The following RARB variants were observed in gnomAD, a reference collection of about 807,000 sequenced individuals.
RARB encodes the protein HBV-activated protein.
In RARB, 17 loss-of-function variants were observed where a neutral mutation model predicts 51.9. The ratio of observed to expected loss-of-function variants is 0.33; its 90% confidence interval spans 0.22 to 0.49. The LOEUF (loss-of-function observed/expected upper bound fraction) is 0.49. RARB is among the 20% of genes least tolerant of loss of function. RARB has a pLI of 0.99. For synonymous variants in RARB, 215 were observed against 195.4 expected, an observed-to-expected ratio of 1.10 and a Z score of -0.84; for missense variants, 369 against 550.8, an observed-to-expected ratio of 0.67 and a Z score of 3.30.
intron 5 of RARB, among the ~76,000 whole-genome samples, chr3:25,302,820 G>T (rs935782282): frequency 6.6e-6 from 1 of 152,188 alleles, no homozygotes; most frequent in Non-Finnish European, 1.5e-5. Context: ...TGCCCCCATG[G>T]AAATCAAACA....
chr3:25,220,768 C>T (rs746007951), intron 5 of RARB, among the ~76,000 whole-genome samples: 3 of 152,106 alleles, frequency 2.0e-5, no homozygotes, highest in Non-Finnish European at 2.9e-5. Flanking sequence ...TATAAATTAC[C>T]CAGTCTCGGG....
chr3:25,071,950 T>G (rs1024268223), intron 3 of RARB, among the ~76,000 whole-genome samples: 1 of 152,198 alleles, frequency 6.6e-6, no homozygotes, highest in Non-Finnish European at 1.5e-5. Flanking sequence ...ACCTATTATT[T>G]TCAAGGCAAA....
At chr3:25,530,446 A>G (rs1161947652) in intron 3 of RARB, among the ~76,000 whole-genome samples, 1 of 152,222 alleles carries the variant, frequency 6.6e-6, no homozygotes, top group Non-Finnish European at 1.5e-5. Context: ...CACTGAACTA[A>G]GATCAAGAAT....
chr3:25,192,824 G>A (rs1433425923), intron 5 of RARB, among the ~76,000 whole-genome samples: 2 of 151,888 alleles, frequency 1.3e-5, no homozygotes, highest in Non-Finnish European at 2.9e-5. Context: ...CTCATAATTG[G>A]GAGCAGGTGA....
chr3:24,912,181 CA>C (rs1695002317), intron 2 of RARB, among the ~76,000 whole-genome samples: 1 of 152,004 alleles, frequency 6.6e-6, no homozygotes, highest in Admixed American at 6.6e-5. Flanking sequence ...TATGACGAGG[CA>C]GGGGGGAAAT....
intron 5 of RARB, among the ~76,000 whole-genome samples, chr3:25,258,793 A>T (rs2125405687): frequency 6.6e-6 from 1 of 152,262 alleles, no homozygotes; most frequent in East Asian, 1.9e-4. Flanking sequence ...GCACCTGCAA[A>T]AGACACCAAA....
chr3:25,208,705 A>G (rs920137), intron 5 of RARB, among the ~76,000 whole-genome samples: 88,121 of 151,956 alleles, frequency 0.58, 27,834 homozygotes, highest in East Asian at 0.75. Flanking sequence ...TTTGTTTTAC[A>G]GAAGAAATGT....
At chr3:25,390,010 G>A (rs770814762) in intron 5 of RARB, among the ~76,000 whole-genome samples, 5 of 152,054 alleles carry the variant, frequency 3.3e-5, no homozygotes, top group African/African-American at 4.8e-5. Context: ...CAAGGCTGGC[G>A]GAAAGATAAA....
At chr3:25,416,490 C>T (rs569213900) in intron 5 of RARB, among the ~76,000 whole-genome samples, 21 of 152,260 alleles carry the variant, frequency 1.4e-4, no homozygotes, top group African/African-American at 3.6e-4. Context: ...CCAGGACTGC[C>T]GCTAGATTTC....
chr3:25,263,007 A>G (rs1241555056), intron 5 of RARB, among the ~76,000 whole-genome samples: 1 of 152,166 alleles, frequency 6.6e-6, no homozygotes, highest in Non-Finnish European at 1.5e-5. Context: ...TAGACTTTCT[A>G]TAATATAGGT....
intron 5 of RARB, among the ~76,000 whole-genome samples, chr3:25,209,322 G>A (rs376033639): frequency 2.6e-5 from 4 of 152,176 alleles, no homozygotes; most frequent in African/African-American, 9.7e-5. Context: ...TTGGAAGCAT[G>A]AGCACCTTTT....
chr3:24,874,540 A>G (rs1703007081), intron 2 of RARB, among the ~76,000 whole-genome samples: 1 of 152,024 alleles, frequency 6.6e-6, no homozygotes, highest in South Asian at 2.1e-4. Context: ...GTAACTCTCA[A>G]CATGTTGCTG....
intron 5 of RARB, among the ~76,000 whole-genome samples, chr3:25,327,764 C>G (rs1704768847): frequency 6.6e-6 from 1 of 152,144 alleles, no homozygotes; most frequent in Admixed American, 6.5e-5. Context: ...TCTATGATGG[C>G]TCTAGAAAGA....
intron 4 of RARB, among the ~76,000 whole-genome samples, chr3:25,135,935 A>G (rs1021139228): frequency 1.0e-5 from 1 of 99,284 alleles, no homozygotes; most frequent in Non-Finnish European, 2.1e-5. Flanking sequence ...AATTCCTTTC[A>G]TTAAAAAAAG....
chr3:24,922,322 G>A (rs1695233106), intron 2 of RARB, among the ~76,000 whole-genome samples: 1 of 152,158 alleles, frequency 6.6e-6, no homozygotes. Context: ...GTTAATGATG[G>A]AGATTTTAGG....
At chr3:25,310,843 T>G (rs565134893) in intron 5 of RARB, among the ~76,000 whole-genome samples, 1 of 152,324 alleles carries the variant, frequency 6.6e-6, no homozygotes, top group East Asian at 1.9e-4. Context: ...GTTTTTACTC[T>G]GAAGCACTTA....
chr3:25,496,629 A>C (rs1054161775), intron 2 of RARB, among the ~76,000 whole-genome samples: 27 of 152,300 alleles, frequency 1.8e-4, no homozygotes, highest in African/African-American at 5.5e-4. Context: ...TAAAGCAGAC[A>C]GTGGTATTGT....
intron 5 of RARB, among the ~76,000 whole-genome samples, chr3:25,397,946 A>T (rs1331778791): frequency 6.6e-6 from 1 of 152,074 alleles, no homozygotes; most frequent in African/African-American, 2.4e-5. Context: ...TTAACTGGTT[A>T]TAATTCTTAT....
intron 7 of RARB, among the ~76,000 whole-genome samples, chr3:25,595,813 C>T (rs1701795175): frequency 6.6e-6 from 1 of 152,172 alleles, no homozygotes; most frequent in Non-Finnish European, 1.5e-5. Context: ...AGTCACTGCA[C>T]ATCGTGAACT....
Sources: allele counts gnomAD v4.1 joint callset (sites outside exome capture counted in the v4.1 genomes callset), GRCh38; gene constraint gnomAD v4.1.1; transcripts MANE v1.5; gene names NCBI Gene and HGNC (gene_info 2026-07-23, HGNC 2026-07-21).